Variants in PLEKHH1 observed in about 807,000 individuals in gnomAD.
The protein encoded by PLEKHH1 is pleckstrin homology, MyTH4 and FERM domain containing H1.
A neutral mutation model predicts 160.0 loss-of-function variants in PLEKHH1; 104 were observed. That is an observed-to-expected ratio of 0.65 (90% CI 0.55 to 0.76). PLEKHH1 has a LOEUF of 0.76. Among genes scored for constraint, PLEKHH1 ranks in the 30% least tolerant of loss-of-function variants. The probability of loss-of-function intolerance (pLI) is 0.00; values close to 1 mark genes in which losing one functional copy is unlikely to be tolerated. For missense variants in PLEKHH1, 1,427 were observed against 1,724.1 expected, an observed-to-expected ratio of 0.83 and a Z score of 3.05; for synonymous variants, 619 against 678.4, an observed-to-expected ratio of 0.91 and a Z score of 1.36.
intron 2 of PLEKHH1, among the ~76,000 whole-genome samples, chr14:67,544,027 G>T (rs2034078193): frequency 1.3e-5 from 2 of 152,110 alleles, no homozygotes; most frequent in Admixed American, 1.3e-4. Context: ...TAGAAATGAG[G>T]ACTGGCCAGC....
intron 1 of PLEKHH1, among the ~76,000 whole-genome samples, chr14:67,535,345 G>A (rs1360995661): frequency 1.4e-5 from 2 of 144,404 alleles, no homozygotes; most frequent in East Asian, 4.3e-4. Flanking sequence ...CAGATCTCCA[G>A]AGTTAGATCT....
At position 67,578,022 on chromosome 14, in the gene PLEKHH1, G is replaced by T; in HGVS notation, c.2575-1G>T. ...CTGTGCTCACTGCTGTTCCCTCCCA[G>T]TCCTGCCAGCTCTTCATCAACGTGC... On this transcript the variant is annotated splice_acceptor_variant, in intron 18 of 28. Coordinates refer to ENST00000329153, the MANE Select transcript of PLEKHH1 (RefSeq NM_020715.3). LOFTEE classifies it high-confidence loss of function. The surrounding 1 kb of genome is among the most constrained non-coding windows in gnomAD (Gnocchi z 5.0). 1 of 1,613,002 alleles carries T rather than the reference G, an allele frequency of 6.2e-7. No homozygotes were observed.
chr14:67,585,751 T>C, intron 27 of PLEKHH1, 97 bp downstream of exon 27: 2 of 1,056,530 alleles, frequency 1.9e-6, no homozygotes, highest in Non-Finnish European at 2.8e-6. Flanking sequence ...CAAGTGACCA[T>C]GGCTGCCCTA....
At chr14:67,541,810 C>T in intron 1 of PLEKHH1, 24 bp from the exon 2 acceptor site, 1 of 1,467,318 alleles carries the variant, frequency 6.8e-7, no homozygotes, top group Non-Finnish European at 9.1e-7. Context: ...TTATCTTTTC[C>T]TCTTTCTGCA....
rs1260239598 is a variant in PLEKHH1 at position 67,587,258 on chromosome 14, C to T, written c.*23C>T. 6.2e-7 allele frequency: 1 copy of T among 1,612,846 alleles called. No individual in the cohort carries two copies. Among genetic ancestry groups the T allele is most frequent in the African/African-American group, 1.3e-5 (1 of 74,888 alleles). On this transcript the variant is annotated 3_prime_UTR_variant, in exon 29 of 29. Transcript: ENST00000329153. ...TGAATATTTCTCCTACCCGATTCCC[C>T]AACACCACTAGTGCCTCTGGATTTA...
At chr14:67,550,026 G>A (rs1478383873) in intron 2 of PLEKHH1, among the ~76,000 whole-genome samples, 1 of 152,156 alleles carries the variant, frequency 6.6e-6, no homozygotes, top group South Asian at 2.1e-4. Context: ...GCCCAGAGAG[G>A]TTCTGGGGTT....
chr14:67,573,746 T>C lies in PLEKHH1; in HGVS notation c.1840-55T>C, dbSNP rs1271455148. ...GAGGAAGATCTGAGGGTAAATGAGGTGCTCCGGAAAGGCTCCACATTCAGT... is the reference window on the plus strand; with the variant it reads ...GAGGAAGATCTGAGGGTAAATGAGGCGCTCCGGAAAGGCTCCACATTCAGT... On this transcript the variant is annotated intron_variant, in intron 12 of 28. Transcript: ENST00000329153. The surrounding 1 kb of genome is among the most constrained non-coding windows in gnomAD (Gnocchi z 4.8). The C allele has an allele frequency of 1.8e-6, 2 of 1,113,830 alleles. No homozygotes were observed. The highest frequency in any genetic ancestry group is 3.4e-5 in the Admixed American group (2 of 59,298). 69.0% of individuals were successfully genotyped at this position (1,113,830 alleles called of 1,614,324 possible).
intron 7 of PLEKHH1, 128 bp from the exon 8 acceptor site, chr14:67,569,010 T>A (rs988279838): frequency 3.3e-6 from 2 of 609,216 alleles, no homozygotes; most frequent in Non-Finnish European, 5.8e-6. Flanking sequence ...TGCCCAAGAT[T>A]TGTTAGCCAG....
intron 8 of PLEKHH1, 119 bp downstream of exon 8, chr14:67,569,335 C>A: frequency 1.5e-6 from 1 of 652,366 alleles, no homozygotes; most frequent in Admixed American, 2.8e-5. Context: ...ACCCTGTTCC[C>A]CTCCCCAGCA....
rs769102834 is a variant in PLEKHH1, at chr14:67,586,107, A to G, written c.3933+10A>G. The stretch of plus-strand genomic sequence containing the variant: ...GATGGCTGCTCCCAAGGTAGGTCTG[A>G]CAGCTGTTAAAACGTTCTACTCTGG... On this transcript the variant is annotated intron_variant, in intron 28 of 28. Coordinates refer to ENST00000329153, the MANE Select transcript of PLEKHH1 (RefSeq NM_020715.3). 1.5e-5 allele frequency: 24 copies of G among 1,613,494 alleles called. No individual in the cohort carries two copies. In the Admixed American group the frequency reaches 3.7e-4, roughly 25 times the overall value.
rs1160425114 is a variant in PLEKHH1 at position 67,581,185 on chromosome 14, G to A, written c.3284+147G>A. ...CTGGCAGTCACTAGCTGGGGTGCAG[G>A]CGGGCTCTGCTGCTGATACTCTGTG... On this transcript the variant is annotated intron_variant, in intron 23 of 28. Coordinates refer to ENST00000329153, the MANE Select transcript of PLEKHH1 (RefSeq NM_020715.3). The A allele has an allele frequency of 4.8e-6, 3 of 620,630 alleles. No homozygotes were observed. The East Asian group carries it at 8.3e-5, about 17-fold the overall frequency. The allele number at this position is 620,630 out of a possible 1,614,324, so 38.4% of individuals were successfully genotyped here.
intron 5 of PLEKHH1, 70 bp downstream of exon 5, chr14:67,559,761 C>T (rs2140407846): frequency 1.0e-6 from 1 of 959,104 alleles, no homozygotes; most frequent in South Asian, 1.4e-5. Context: ...CCGGAGTTTC[C>T]TGCCCCCTAC....
chr14:67,575,734 C>T, intron 15 of PLEKHH1, 89 bp from the exon 16 acceptor site: 1 of 987,472 alleles, frequency 1.0e-6, no homozygotes, highest in South Asian at 1.6e-5. Flanking sequence ...ATCCACGATT[C>T]CCAGCTTCAC....
chr14:67,564,984 T>C (rs2035022517), intron 7 of PLEKHH1, among the ~76,000 whole-genome samples: 1 of 152,114 alleles, frequency 6.6e-6, no homozygotes. Flanking sequence ...AGCCACTGTG[T>C]CTGGCCCTGT....
At position 67,576,488 on chromosome 14, in the gene PLEKHH1, G is replaced by T. The variant is rs746993857; in HGVS notation, c.2446G>T (p.Gly816Cys). 3 of 1,578,490 alleles carry T rather than the reference G, an allele frequency of 1.9e-6. No individual in the cohort carries two copies. The highest frequency in any genetic ancestry group is 1.7e-6 in the Non-Finnish European group (2 of 1,147,676). Residue 816 changes from glycine to cysteine, a missense_variant, in exon 17 of 29, where the codon GGT becomes TGT. Transcript: ENST00000329153. This position sits in a 1 kb window ranked among gnomAD's most constrained non-coding sequence, Gnocchi z 4.0. Reference sequence around the variant, plus strand: ...GCAGCTCATTGGAAAACTGATGGATGGTGAAGGAGATCCAGGTAAGGCAAG... The same window carrying T: ...GCAGCTCATTGGAAAACTGATGGATTGTGAAGGAGATCCAGGTAAGGCAAG... ...YEQLIGKLMDGEGDPDSPLWR... is the reference protein window; with the variant it reads ...YEQLIGKLMDCEGDPDSPLWR...
intron 21 of PLEKHH1, 53 bp from the exon 22 acceptor site, chr14:67,579,668 G>A: frequency 6.4e-7 from 1 of 1,571,788 alleles, no homozygotes; most frequent in Non-Finnish European, 8.7e-7. Flanking sequence ...ACCAGCCCTA[G>A]TGAGCTCCTC....
In PLEKHH1 at chr14:67,589,220, C is replaced by A; in HGVS notation, c.*1985C>A. 2.7e-6 allele frequency: 1 copy of A among 369,674 alleles called. No individual in the cohort carries two copies. The highest frequency in any genetic ancestry group is 3.7e-6 in the Non-Finnish European group (1 of 267,146). 22.9% of individuals were successfully genotyped at this position (369,674 alleles called of 1,614,324 possible). ...TGTTCACACTGAATTTGGGGTCAAT[C>A]TATTTCCCCCACCCTCTCTCCTCCC... On this transcript the variant is annotated 3_prime_UTR_variant, in exon 29 of 29. Coordinates refer to ENST00000329153, the MANE Select transcript of PLEKHH1 (RefSeq NM_020715.3).
chr14:67,576,261 G>A lies in PLEKHH1; in HGVS notation c.2353-134G>A. On this transcript the variant is annotated intron_variant, in intron 16 of 28. Transcript: ENST00000329153. This position sits in a 1 kb window ranked among gnomAD's most constrained non-coding sequence, Gnocchi z 4.0. ...GTTCACCTGATCCTCAGTCTTTCCA[G>A]GTAGCCCTGACTCATGCCAACCAAA... 1 of 625,720 alleles carries A rather than the reference G, an allele frequency of 1.6e-6. No individual in the cohort carries two copies. Among genetic ancestry groups the A allele is most frequent in the East Asian group, 2.8e-5 (1 of 36,048 alleles). The allele number at this position is 625,720 out of a possible 1,614,324, so 38.8% of individuals were successfully genotyped here.
intron 9 of PLEKHH1, 84 bp from the exon 10 acceptor site, chr14:67,571,668 C>T: frequency 2.1e-6 from 3 of 1,454,594 alleles, no homozygotes; most frequent in Non-Finnish European, 2.9e-6. Flanking sequence ...ACCATGGGCA[C>T]TTGGACCAGG....
Sources: allele counts gnomAD v4.1 joint callset (sites outside exome capture counted in the v4.1 genomes callset), GRCh38; gene constraint gnomAD v4.1.1; non-coding constraint Gnocchi (gnomAD v3.1); transcripts MANE v1.5; gene names NCBI Gene and HGNC (gene_info 2026-07-23, HGNC 2026-07-21).